CCDC171: variants seen among roughly 807,000 people sequenced by gnomAD.
CCDC171 encodes the protein coiled-coil domain-containing protein 171.
In CCDC171, 177 loss-of-function variants were observed where a neutral mutation model predicts 168.2. That is an observed-to-expected ratio of 1.05 (90% CI 0.93 to 1.19). The LOEUF is 1.19. CCDC171 is among the 50% of genes most tolerant of loss of function. The pLI is 0.00. For missense variants in CCDC171, 1,991 were observed against 1,539.0 expected, an observed-to-expected ratio of 1.29 and a Z score of -4.91; for synonymous variants, 687 against 540.8, an observed-to-expected ratio of 1.27 and a Z score of -3.75.
Position 15,971,681 on chromosome 9 carries a change from G to C in CCDC171, c.3826G>C (p.Gly1276Arg), listed in dbSNP as rs751678021. 5.6e-6 allele frequency: 9 copies of C among 1,613,684 alleles called. No homozygotes were observed. The Admixed American group carries it at 1.5e-4, about 27-fold the overall frequency. ...APLPADTTGIGDFLPLKAELD... is the reference protein window; with the variant it reads ...APLPADTTGIRDFLPLKAELD... ...TCTTCCTGCTGACACAACTGGTATT[G>C]GGGATTTCTTACCATTGAAAGCTGA... The change falls in exon 26 of 26, where the codon GGG becomes CGG. Residue 1276 changes from glycine to arginine, a missense_variant. By Grantham distance (125) the Gly-to-Arg change is moderately radical. Transcript: ENST00000380701.
intron 21 of CCDC171, among the ~76,000 whole-genome samples, chr9:15,822,283 C>A (rs1052956929): frequency 6.6e-6 from 1 of 152,050 alleles, no homozygotes; most frequent in African/African-American, 2.4e-5. Context: ...GCAAGGATTT[C>A]ATGTCTAAAA....
intron 23 of CCDC171, among the ~76,000 whole-genome samples, chr9:15,850,918 C>G (rs1361608): frequency 0.79 from 120,517 of 151,950 alleles, 48,380 homozygotes; most frequent in East Asian, 0.89. Flanking sequence ...TACTGTGCAC[C>G]GTAAAATAGT....
intron 25 of CCDC171, among the ~76,000 whole-genome samples, chr9:15,969,631 A>C (rs1195775355): frequency 6.6e-6 from 1 of 152,314 alleles, no homozygotes; most frequent in Admixed American, 6.5e-5. Context: ...AAACTTTTGA[A>C]GCCTTTTCTG....
At chr9:15,789,225 G>C (rs754682707) in intron 21 of CCDC171, among the ~76,000 whole-genome samples, 3 of 152,086 alleles carry the variant, frequency 2.0e-5, no homozygotes, top group African/African-American at 7.2e-5. Context: ...TTGGATTTCA[G>C]ATTATCAGAT....
At chr9:15,887,518 ATTTG>A (rs1020838322) in intron 24 of CCDC171, among the ~76,000 whole-genome samples, 4 of 152,226 alleles carry the variant, frequency 2.6e-5, no homozygotes, top group Non-Finnish European at 5.9e-5. Context: ...ATTTTAAGGT[ATTTG>A]TTTGAGTGAA....
chr9:15,695,524 C>A (rs1022598193), intron 11 of CCDC171, among the ~76,000 whole-genome samples, 187 bp downstream of exon 11: 1 of 152,156 alleles, frequency 6.6e-6, no homozygotes, highest in Non-Finnish European at 1.5e-5. Flanking sequence ...GAATATGGAC[C>A]TGCTGTTGTC....
At chr9:16,092,950 C>T in the CCDC171 span, among the ~76,000 whole-genome samples, 1 of 152,198 alleles carries the variant, frequency 6.6e-6, no homozygotes, top group Non-Finnish European at 1.5e-5. Flanking sequence ...CATGGGTGGT[C>T]CTCGTGCTGG....
intron 1 of CCDC171, among the ~76,000 whole-genome samples, chr9:16,054,645 G>A (rs568338552): frequency 6.6e-6 from 1 of 152,272 alleles, no homozygotes; most frequent in African/African-American, 2.4e-5. Flanking sequence ...CGGCTTCAAG[G>A]TTCAAAAAAT....
chr9:15,676,810 T>C (rs924335205), intron 9 of CCDC171, among the ~76,000 whole-genome samples: 1 of 152,198 alleles, frequency 6.6e-6, no homozygotes, highest in African/African-American at 2.4e-5. Flanking sequence ...TTGAGAAGTC[T>C]GAAGTCAGTT....
intron 16 of CCDC171, among the ~76,000 whole-genome samples, chr9:15,732,193 G>A (rs2054192929): frequency 6.6e-6 from 1 of 151,966 alleles, no homozygotes; most frequent in South Asian, 2.1e-4. Flanking sequence ...TTTTGATGAA[G>A]TCCAACTTAC....
chr9:15,917,436 GT>G (rs1326400317), intron 24 of CCDC171, among the ~76,000 whole-genome samples: 1 of 151,412 alleles, frequency 6.6e-6, no homozygotes, highest in Admixed American at 6.6e-5. Context: ...GAGTTGGAAT[GT>G]TTAAGATTTG....
chr9:15,564,097 G>T lies in CCDC171; in HGVS notation c.9G>T (p.Leu3Phe), dbSNP rs767926061. 6.2e-7 allele frequency: 1 copy of T among 1,606,618 alleles called. No individual in the cohort carries two copies. The highest frequency in any genetic ancestry group is 1.7e-5 in the Admixed American group (1 of 58,410). The part of the protein sequence containing the change: MN[L>F]NTSSNTGDTQ... ...AAGAGTTGGAAAACATCATGAATTT[G>T]AATACTTCAAGTAATACTGGTGATA... The change falls in exon 2 of 26, where the codon TTG becomes TTT. Residue 3 changes from leucine (L) to phenylalanine (F), a missense_variant. Leu to Phe is a conservative substitution (Grantham distance 22). Coordinates refer to ENST00000380701, the MANE Select transcript of CCDC171 (RefSeq NM_173550.4).
At chr9:15,735,621 T>G (rs2054444643) in intron 16 of CCDC171, among the ~76,000 whole-genome samples, 2 of 152,330 alleles carry the variant, frequency 1.3e-5, no homozygotes, top group Non-Finnish European at 2.9e-5. Context: ...TGAGAGTGTA[T>G]TTGGCAAGGA....
At chr9:15,959,764 A>G (rs750533592) in intron 25 of CCDC171, among the ~76,000 whole-genome samples, 2 of 152,150 alleles carry the variant, frequency 1.3e-5, no homozygotes, top group African/African-American at 4.8e-5. Context: ...AGTGGAGAGA[A>G]CGACCTAATG....
intron 18 of CCDC171, among the ~76,000 whole-genome samples, chr9:15,775,669 CTG>C (rs1475264283): frequency 6.6e-6 from 1 of 152,116 alleles, no homozygotes; most frequent in African/African-American, 2.4e-5. Context: ...GGCTCTTTAT[CTG>C]TGAAAAATTT....
intron 11 of CCDC171, among the ~76,000 whole-genome samples, chr9:15,697,448 A>C (rs1411134176): frequency 6.6e-6 from 1 of 152,166 alleles, no homozygotes; most frequent in Non-Finnish European, 1.5e-5. Flanking sequence ...TTTAATTTAC[A>C]TCCTGATTGA....
At chr9:15,871,183 TTA>T (rs1199419035) in intron 23 of CCDC171, among the ~76,000 whole-genome samples, 1 of 151,680 alleles carries the variant, frequency 6.6e-6, no homozygotes, top group African/African-American at 2.4e-5. Flanking sequence ...TTAAAGAACG[TTA>T]TAGAATGTAT....
chr9:15,654,852 A>G (rs906513833), intron 7 of CCDC171, among the ~76,000 whole-genome samples: 2 of 152,194 alleles, frequency 1.3e-5, no homozygotes, highest in African/African-American at 4.8e-5. Context: ...AGAGTGAAGG[A>G]TATGAACAGA....
At chr9:15,953,991 T>A (rs1237159491) in intron 25 of CCDC171, among the ~76,000 whole-genome samples, 3 of 152,032 alleles carry the variant, frequency 2.0e-5, no homozygotes, top group African/African-American at 7.2e-5. Context: ...ACAATCCCTT[T>A]TTTCCCCCTG....
Sources: allele counts gnomAD v4.1 joint callset (sites outside exome capture counted in the v4.1 genomes callset), GRCh38; gene constraint gnomAD v4.1.1; transcripts MANE v1.5; gene names NCBI Gene and HGNC (gene_info 2026-07-23, HGNC 2026-07-21).